Variants in RBFOX1 observed in about 807,000 individuals in gnomAD.
The protein encoded by RBFOX1 is RNA binding protein fox-1 homolog 1.
RBFOX1 carries 8 observed loss-of-function variants against 57.7 expected under a neutral mutation model. The ratio of observed to expected loss-of-function variants is 0.14; its 90% confidence interval spans 0.08 to 0.25. RBFOX1 has a LOEUF of 0.25. RBFOX1 is among the 10% of genes least tolerant of loss of function. The pLI is 1.00. For missense variants in RBFOX1, 611 were observed against 548.5 expected, an observed-to-expected ratio of 1.11 and a Z score of -1.14; for synonymous variants, 326 against 222.4, an observed-to-expected ratio of 1.47 and a Z score of -4.15.
At chr16:5,770,351 C>T (rs543995240) in intron 3 of RBFOX1, among the ~76,000 whole-genome samples, 2 of 152,038 alleles carry the variant, frequency 1.3e-5, no homozygotes, top group South Asian at 2.1e-4. Context: ...TAGCATAAGC[C>T]GTTCCCATCA....
chr16:5,583,138 C>T (rs553007362), intron 2 of RBFOX1, among the ~76,000 whole-genome samples: 7 of 152,322 alleles, frequency 4.6e-5, no homozygotes, highest in African/African-American at 1.4e-4. Context: ...AGCTCAAATA[C>T]ATTCAAACAA....
intron 3 of RBFOX1, among the ~76,000 whole-genome samples, chr16:5,607,752 G>C (rs2047637494): frequency 6.6e-6 from 1 of 152,090 alleles, no homozygotes. Context: ...CAATTCCACT[G>C]GGCTCATTTC....
At chr16:6,589,164 T>C (rs1230310425) in intron 2 of RBFOX1, among the ~76,000 whole-genome samples, 1 of 152,144 alleles carries the variant, frequency 6.6e-6, no homozygotes, top group Non-Finnish European at 1.5e-5. Context: ...CCAGCTAGAA[T>C]ACCACTGCCA....
Position 7,630,426 on chromosome 16 carries a change from G to A in RBFOX1, c.677-177G>A, listed in dbSNP as rs537649193. Among the ~76,000 whole-genome samples, 5 of 152,036 alleles carry A rather than the reference G, an allele frequency of 3.3e-5. No homozygotes were observed. In the South Asian group the frequency reaches 1.0e-3, roughly 32 times the overall value. The stretch of plus-strand genomic sequence containing the variant: ...GTGGGCCGGGTTGTGGTGGGTGGGG[G>A]GGCTTCCATTGATTCCCTTTGGCTA... On this transcript the variant is annotated intron_variant, in intron 10 of 15. Coordinates refer to ENST00000550418, the MANE Select transcript of RBFOX1 (RefSeq NM_018723.4).
chr16:5,331,776 T>G (rs1273019335), intron 1 of RBFOX1, among the ~76,000 whole-genome samples: 1 of 152,258 alleles, frequency 6.6e-6, no homozygotes, highest in Non-Finnish European at 1.5e-5. Flanking sequence ...GGTGATAGCC[T>G]TGTAGAAGTC....
At chr16:5,578,225 C>T (rs2046535393) in intron 2 of RBFOX1, among the ~76,000 whole-genome samples, 5 of 152,170 alleles carry the variant, frequency 3.3e-5, no homozygotes, top group Admixed American at 3.3e-4. Context: ...GCTGGGATTA[C>T]AGGCATGAGC....
intron 4 of RBFOX1, among the ~76,000 whole-genome samples, chr16:7,385,104 G>T (rs1257617403): frequency 6.6e-6 from 1 of 152,220 alleles, no homozygotes; most frequent in African/African-American, 2.4e-5. Flanking sequence ...AGAGAGAGGG[G>T]CACCAGAGAG....
intron 5 of RBFOX1, among the ~76,000 whole-genome samples, chr16:7,556,461 G>C (rs922049090): frequency 6.6e-6 from 1 of 152,196 alleles, no homozygotes; most frequent in Non-Finnish European, 1.5e-5. Context: ...TATTTCCCAT[G>C]ATGGCCACAG....
At chr16:7,114,541 C>G (rs952963058) in intron 4 of RBFOX1, among the ~76,000 whole-genome samples, 1 of 152,196 alleles carries the variant, frequency 6.6e-6, no homozygotes, top group African/African-American at 2.4e-5. Context: ...GAAAGTGACA[C>G]CATGAGCCTA....
At chr16:6,008,106 G>A (rs983132700) in intron 4 of RBFOX1, among the ~76,000 whole-genome samples, 7 of 152,168 alleles carry the variant, frequency 4.6e-5, no homozygotes, top group African/African-American at 1.7e-4. Context: ...TCAGGAGGCT[G>A]AAGCAGGAGG....
intron 4 of RBFOX1, among the ~76,000 whole-genome samples, chr16:7,168,276 T>C (rs1320015544): frequency 6.6e-6 from 1 of 152,072 alleles, no homozygotes; most frequent in Admixed American, 6.6e-5. Flanking sequence ...GAGTGGGTTT[T>C]CTTCTTCTCA....
intron 4 of RBFOX1, among the ~76,000 whole-genome samples, chr16:7,467,128 A>C (rs1015626906): frequency 6.6e-6 from 1 of 152,222 alleles, no homozygotes; most frequent in Non-Finnish European, 1.5e-5. Context: ...AGCATCTAAC[A>C]GAGGTAACTG....
rs2058435519 is a variant in RBFOX1 at position 5,905,488 on chromosome 16, G to A, written c.351+38153G>A. ...GCATTTTGGGAGGCTGAGGTGGACA[G>A]ATTGCTTGAGCCCAGGAGTTTTTGA... On this transcript the variant is annotated intron_variant, in intron 4 of 19. Coordinates refer to the RBFOX1 transcript ENST00000641259. 2.0e-5 allele frequency among the ~76,000 whole-genome samples: 3 copies of A among 152,274 alleles called. No homozygotes were observed. The South Asian group carries it at 6.2e-4, about 32-fold the overall frequency.
intron 3 of RBFOX1, among the ~76,000 whole-genome samples, chr16:6,698,466 C>T (rs1296386602): frequency 6.6e-6 from 1 of 152,182 alleles, no homozygotes; most frequent in Non-Finnish European, 1.5e-5. Flanking sequence ...CAAATCAATC[C>T]TGTCATTATC....
chr16:6,680,484 C>T (rs1053785257), intron 3 of RBFOX1, among the ~76,000 whole-genome samples: 24 of 151,996 alleles, frequency 1.6e-4, no homozygotes, highest in Non-Finnish European at 2.6e-4. Flanking sequence ...ACGATGGTCT[C>T]GATCTCCTGA....
intron 4 of RBFOX1, chr16:7,332,864 GT>G (rs2096716896): frequency 6.7e-7 from 1 of 1,481,870 alleles, no homozygotes; most frequent in Non-Finnish European, 8.9e-7. Context: ...CTCTCCCGGC[GT>G]TGATGAGTGC....
intron 3 of RBFOX1, among the ~76,000 whole-genome samples, chr16:6,896,622 C>A (rs67065436): frequency 6.6e-6 from 1 of 152,110 alleles, no homozygotes; most frequent in Non-Finnish European, 1.5e-5. Flanking sequence ...ATGTAATCTG[C>A]GGACGGTATT....
chr16:5,563,468 A>G lies in RBFOX1; in HGVS notation c.259-35434A>G, dbSNP rs117501829. Among the ~76,000 whole-genome samples the G allele has an allele frequency of 8.9e-3, 1,359 of 152,330 alleles. 11 individuals are homozygous for G. The highest frequency in any genetic ancestry group is 0.015 in the Non-Finnish European group (1,026 of 68,018). On this transcript the variant is annotated intron_variant, in intron 2 of 2. Coordinates refer to the RBFOX1 transcript ENST00000585867. ...TTTCTGGAATATTTTATTTTCTGAA[A>G]TAACCCAGAGAGAATAAAGTACACC...
At chr16:6,314,383 A>T (rs2080812207) in intron 1 of RBFOX1, among the ~76,000 whole-genome samples, 1 of 152,218 alleles carries the variant, frequency 6.6e-6, no homozygotes, top group South Asian at 2.1e-4. Context: ...TGCTTCTGAT[A>T]GAAGAATATG....
Sources: allele counts gnomAD v4.1 joint callset (sites outside exome capture counted in the v4.1 genomes callset), GRCh38; gene constraint gnomAD v4.1.1; transcripts MANE v1.5; gene names NCBI Gene and HGNC (gene_info 2026-07-23, HGNC 2026-07-21).